The following IGSF3 variants were observed in gnomAD, a reference collection of about 807,000 sequenced individuals.
IGSF3 encodes glu-Trp-Ile EWI motif-containing protein 3.
Under a neutral mutation model 114.4 loss-of-function variants are expected in IGSF3, and 23 were observed. That is an observed-to-expected ratio of 0.20 (90% CI 0.14 to 0.28). The LOEUF (loss-of-function observed/expected upper bound fraction) is 0.28, where lower values mean the gene tolerates loss of function less well. Among genes scored for constraint, IGSF3 ranks in the 10% least tolerant of loss-of-function variants. The probability of loss-of-function intolerance (pLI) is 1.00; values close to 1 mark genes in which losing one functional copy is unlikely to be tolerated. For missense variants in IGSF3, 1,172 were observed against 1,591.5 expected, an observed-to-expected ratio of 0.74 and a Z score of 4.48; for synonymous variants, 571 against 645.2, an observed-to-expected ratio of 0.88 and a Z score of 1.74.
At position 116,589,135 on chromosome 1, in the gene IGSF3, C is replaced by T. The variant is rs1659981238; in HGVS notation, c.2030-31G>A. 1.9e-6 allele frequency: 3 copies of T among 1,581,696 alleles called. No homozygotes were observed. The highest frequency in any genetic ancestry group is 1.7e-6 in the Non-Finnish European group (2 of 1,158,960). On this transcript the variant is annotated intron_variant, in intron 7 of 10. Transcript: ENST00000369486. The surrounding 1 kb of genome is among the most constrained non-coding windows in gnomAD (Gnocchi z 5.7). ...AAGGAAAGGGGAACACAGGAATCAC[C>T]ACAGACTCCCAGAAACGTGGCCCAT...
chr1:116,643,971 T>C (rs1302779654), intron 2 of IGSF3, among the ~76,000 whole-genome samples: 5 of 152,156 alleles, frequency 3.3e-5, no homozygotes, highest in Admixed American at 6.5e-5. Flanking sequence ...CCCAAACACG[T>C]GCACCAATTT....
rs1009094248 is a variant in IGSF3, at chr1:116,661,085, G to A, written c.43+5199C>T. Among the ~76,000 whole-genome samples the A allele has an allele frequency of 6.6e-6, 1 of 152,130 alleles. No homozygotes were observed. Among genetic ancestry groups the A allele is most frequent in the Admixed American group, 6.5e-5 (1 of 15,272 alleles). ...AGGCAGGCGGATCACGAGGTCAGGA[G>A]TTTGAGACCAGTGTGGCCAACATAG... is the stretch of plus-strand genomic sequence containing the variant. On this transcript the variant is annotated intron_variant, in intron 2 of 10. Transcript: ENST00000369486. This position sits in a 1 kb window ranked among gnomAD's most constrained non-coding sequence, Gnocchi z 4.0.
Position 116,603,629 on chromosome 1 carries a change from G to C in IGSF3, c.1619C>G (p.Ala540Gly). The C allele has an allele frequency of 6.2e-7, 1 of 1,613,114 alleles. No homozygotes were observed. The highest frequency in any genetic ancestry group is 8.5e-7 in the Non-Finnish European group (1 of 1,179,302). The change falls in exon 6 of 11, where the codon GCT becomes GGT. Residue 540 changes from alanine (A) to glycine (G), a missense_variant. Around this residue, in one of 3 missense-constraint regions of IGSF3, gnomAD observed 736 missense variants for 1,042.0 expected, o/e 0.71. Transcript: ENST00000369486. The surrounding 1 kb of genome is among the most constrained non-coding windows in gnomAD (Gnocchi z 7.1). ...RRASTPISIT[A>G]LEMGFAVTAI... Reference sequence around the variant, plus strand: ...CAGTCCCACCGCTCACTCACCAAGAGCTGTGATGGAGATGGGAGTGCTGGC... The same window carrying C: ...CAGTCCCACCGCTCACTCACCAAGACCTGTGATGGAGATGGGAGTGCTGGC...
At position 116,610,824 on chromosome 1, in the gene IGSF3, G is replaced by A. The variant is rs1211591912; in HGVS notation, c.833-2493C>T. Among the ~76,000 whole-genome samples the A allele has an allele frequency of 1.3e-5, 2 of 152,174 alleles. No homozygotes were observed. The highest frequency in any genetic ancestry group is 2.9e-5 in the Non-Finnish European group (2 of 68,030). ...TGAGCCCCAGACCCCTGTGTCTGAG[G>A]ACCCACTGGGTGTTTCGCATACTGA... On this transcript the variant is annotated intron_variant, in intron 4 of 10. Transcript: ENST00000369486. This position sits in a 1 kb window ranked among gnomAD's most constrained non-coding sequence, Gnocchi z 4.3.
chr1:116,663,283 T>C (rs1649187530), intron 2 of IGSF3, among the ~76,000 whole-genome samples: 1 of 152,186 alleles, frequency 6.6e-6, no homozygotes, highest in Admixed American at 6.5e-5. Context: ...ATTGCTGTCA[T>C]CTTCCCATGT....
chr1:116,615,430 T>C lies in IGSF3; in HGVS notation c.421+650A>G, dbSNP rs1349700953. On this transcript the variant is annotated intron_variant, in intron 3 of 10. Coordinates refer to ENST00000369486, the MANE Select transcript of IGSF3 (RefSeq NM_001007237.3). The surrounding 1 kb of genome is among the most constrained non-coding windows in gnomAD (Gnocchi z 4.3). ...ACTGCTTAGTTGTGATAATAAAAAC[T>C]GGACATTAAGATAGGCAGAAAAACA... 6.6e-6 allele frequency among the ~76,000 whole-genome samples: 1 copy of C among 152,170 alleles called. No homozygotes were observed. The highest frequency in any genetic ancestry group is 1.5e-5 in the Non-Finnish European group (1 of 68,026).
chr1:116,636,884 T>C lies in IGSF3; in HGVS notation c.44-20427A>G, dbSNP rs1233661413. Among the ~76,000 whole-genome samples the C allele has an allele frequency of 6.6e-6, 1 of 152,198 alleles. No individual in the cohort carries two copies. Among genetic ancestry groups the C allele is most frequent in the Admixed American group, 6.5e-5 (1 of 15,276 alleles). On this transcript the variant is annotated intron_variant, in intron 2 of 10. Coordinates refer to ENST00000369486, the MANE Select transcript of IGSF3 (RefSeq NM_001007237.3). This position sits in a 1 kb window ranked among gnomAD's most constrained non-coding sequence, Gnocchi z 4.5. ...ATGGCTCCACAGATCTACCGGGCCA[T>C]GGAGCTGAGCAGATGGGACTGCAAT...
intron 6 of IGSF3, among the ~76,000 whole-genome samples, chr1:116,602,078 C>T (rs1660615449): frequency 6.6e-6 from 1 of 152,128 alleles, no homozygotes; most frequent in South Asian, 2.1e-4. Flanking sequence ...GAAAAGACAA[C>T]CTTAATTAGT....
At chr1:116,609,907 C>A (rs1660949192) in intron 4 of IGSF3, among the ~76,000 whole-genome samples, 1 of 152,172 alleles carries the variant, frequency 6.6e-6, no homozygotes, top group Non-Finnish European at 1.5e-5. Context: ...CCAGCCCCTC[C>A]CCCCGATATA....
rs144564204 is a variant in IGSF3, at chr1:116,582,669, T to C, written c.2848+1976A>G. Among the ~76,000 whole-genome samples, 2 of 152,300 alleles carry C rather than the reference T, an allele frequency of 1.3e-5. No individual in the cohort carries two copies. Among genetic ancestry groups the C allele is most frequent in the East Asian group, 3.9e-4 (2 of 5,186 alleles). Reference sequence around the variant, plus strand: ...TAAAAATGGTGGCTATGAAATGCTTTCACAGACATGGGAAAACGCTCATAA... The same window carrying C: ...TAAAAATGGTGGCTATGAAATGCTTCCACAGACATGGGAAAACGCTCATAA... On this transcript the variant is annotated intron_variant, in intron 9 of 10. Coordinates refer to ENST00000369486, the MANE Select transcript of IGSF3 (RefSeq NM_001007237.3). This position sits in a 1 kb window ranked among gnomAD's most constrained non-coding sequence, Gnocchi z 4.7.
At chr1:116,630,277 C>T (rs1647499262) in intron 2 of IGSF3, among the ~76,000 whole-genome samples, 1 of 152,216 alleles carries the variant, frequency 6.6e-6, no homozygotes. Flanking sequence ...AGAGAAGCCT[C>T]TTTGGAAGAA....
chr1:116,658,810 C>G (rs1281262220), intron 2 of IGSF3, among the ~76,000 whole-genome samples: 2 of 152,198 alleles, frequency 1.3e-5, no homozygotes, highest in Non-Finnish European at 2.9e-5. Context: ...GCCTCTCTCC[C>G]CCAGTAGACA....
At chr1:116,666,212 C>T in intron 2 of IGSF3, 72 bp downstream of exon 2, 1 of 1,410,084 alleles carries the variant, frequency 7.1e-7, no homozygotes, top group Non-Finnish European at 1.0e-6. Flanking sequence ...GAAAAAGAAC[C>T]ACGAGAAATT....
Position 116,651,950 on chromosome 1 carries a change from C to T in IGSF3, c.43+14334G>A, listed in dbSNP as rs1648649319. Reference sequence around the variant, plus strand: ...ATGTCTCCTCCATTTCACACACTGGCCAAGCATATAGCAGAACACATCATA... The same window carrying T: ...ATGTCTCCTCCATTTCACACACTGGTCAAGCATATAGCAGAACACATCATA... On this transcript the variant is annotated intron_variant, in intron 2 of 10. Transcript: ENST00000369486. The surrounding 1 kb of genome is among the most constrained non-coding windows in gnomAD (Gnocchi z 4.4). 6.6e-6 allele frequency among the ~76,000 whole-genome samples: 1 copy of T among 152,126 alleles called. No individual in the cohort carries two copies. Among genetic ancestry groups the T allele is most frequent in the African/African-American group, 2.4e-5 (1 of 41,416 alleles).
rs1377181431 is a variant in IGSF3, at chr1:116,582,204, G to C, written c.2849-2327C>G. Among the ~76,000 whole-genome samples, 4 of 152,096 alleles carry C rather than the reference G, an allele frequency of 2.6e-5. No homozygotes were observed. Among genetic ancestry groups the C allele is most frequent in the Non-Finnish European group, 4.4e-5 (3 of 68,032 alleles). On this transcript the variant is annotated intron_variant, in intron 9 of 10. Transcript: ENST00000369486. This position sits in a 1 kb window ranked among gnomAD's most constrained non-coding sequence, Gnocchi z 4.7. ...CTTAACATGTTTCTCTACCAATTTAGTTCCCTGAATCTGCCCCCTTCTAGA... is the reference window on the plus strand; with the variant it reads ...CTTAACATGTTTCTCTACCAATTTACTTCCCTGAATCTGCCCCCTTCTAGA...
At position 116,576,481 on chromosome 1, in the gene IGSF3, C is replaced by CCCTG. The variant is rs1427551319; in HGVS notation, c.*827_*830dup. ...CAGGTCAGCAGCTGCTAAAAGCAGCCCCTGCCCACTTTAATTTGGAAAGTG... is the reference window on the plus strand; with the variant it reads ...CAGGTCAGCAGCTGCTAAAAGCAGCCCCTGCCTGCCCACTTTAATTTGGAAAGTG... On this transcript the variant is annotated 3_prime_UTR_variant, in exon 11 of 11. Coordinates refer to ENST00000369486, the MANE Select transcript of IGSF3 (RefSeq NM_001007237.3). This position sits in a 1 kb window ranked among gnomAD's most constrained non-coding sequence, Gnocchi z 4.6. 1 of 152,606 alleles carries CCCTG rather than the reference C, an allele frequency of 6.6e-6. No homozygotes were observed. Among genetic ancestry groups the CCCTG allele is most frequent in the Non-Finnish European group, 1.5e-5 (1 of 68,042 alleles). 9.5% of individuals were successfully genotyped at this position (152,606 alleles called of 1,614,324 possible). A position where few individuals can be genotyped will look rare whatever the true frequency, so the allele number is the denominator to read the frequency against.
At chr1:116,611,186 C>G (rs1482435820) in intron 4 of IGSF3, among the ~76,000 whole-genome samples, 1 of 152,174 alleles carries the variant, frequency 6.6e-6, no homozygotes, top group Admixed American at 6.5e-5. Flanking sequence ...TTTCTGAAAC[C>G]CTGATCTGAT....
Position 116,591,640 on chromosome 1 carries a change from T to C in IGSF3, c.2030-2536A>G, listed in dbSNP as rs181540715. On this transcript the variant is annotated intron_variant, in intron 7 of 10. Coordinates refer to ENST00000369486, the MANE Select transcript of IGSF3 (RefSeq NM_001007237.3). ...TTAAATTTGGTGCACGTCTGACAGG[T>C]GGGCAAGGGGTCAGCTCCTATTCTA... 3.9e-5 allele frequency among the ~76,000 whole-genome samples: 6 copies of C among 152,216 alleles called. No homozygotes were observed. The East Asian group carries it at 1.2e-3, about 29-fold the overall frequency.
intron 2 of IGSF3, among the ~76,000 whole-genome samples, chr1:116,652,483 T>G (rs1259161523): frequency 1.3e-5 from 2 of 152,326 alleles, no homozygotes; most frequent in East Asian, 3.9e-4. Context: ...GTTGAACCAT[T>G]ATATTAAGAG....
Sources: allele counts gnomAD v4.1 joint callset (sites outside exome capture counted in the v4.1 genomes callset), GRCh38; gene constraint gnomAD v4.1.1; regional missense constraint gnomAD v4.1.1; non-coding constraint Gnocchi (gnomAD v3.1); transcripts MANE v1.5; gene names NCBI Gene and HGNC (gene_info 2026-07-23, HGNC 2026-07-21).